The following NR5A1 variants were observed in gnomAD, a reference collection of about 807,000 sequenced individuals.
NR5A1 encodes the protein steroidogenic factor 1.
A neutral mutation model predicts 42.7 loss-of-function variants in NR5A1; 6 were observed. The observed-to-expected ratio is 0.14, with a 90% CI of 0.08 to 0.28. The LOEUF (loss-of-function observed/expected upper bound fraction) is 0.28. Ranked by LOEUF, NR5A1 falls within the 10% of genes least tolerant of loss-of-function variation. The pLI is 1.00. For missense variants in NR5A1, 442 were observed against 626.4 expected, an observed-to-expected ratio of 0.71 and a Z score of 3.14; for synonymous variants, 274 against 277.5, an observed-to-expected ratio of 0.99 and a Z score of 0.12.
chr9:124,485,914 C>T (rs938959399), intron 6 of NR5A1, among the ~76,000 whole-genome samples: 4 of 151,196 alleles, frequency 2.6e-5, no homozygotes, highest in Admixed American at 1.3e-4. Flanking sequence ...AATGGGGGTC[C>T]GGAGGGGGAC....
intron 6 of NR5A1, among the ~76,000 whole-genome samples, chr9:124,490,235 G>T (rs1295173032): frequency 6.6e-6 from 1 of 152,174 alleles, no homozygotes; most frequent in African/African-American, 2.4e-5. Context: ...CCCCACCCAG[G>T]GTTCCCTAAG....
rs912724737 is a variant in NR5A1, at chr9:124,499,469, G to A, written c.870+621C>T. 3.3e-5 allele frequency among the ~76,000 whole-genome samples: 5 copies of A among 152,166 alleles called. No individual in the cohort carries two copies. In the South Asian group the frequency reaches 8.3e-4, roughly 25 times the overall value. ...ACATGCACATGACCATCCAGCATAC[G>A]CAAGATTTGCAGAGGCAGGAGGATC... is the stretch of plus-strand genomic sequence containing the variant. On this transcript the variant is annotated intron_variant, in intron 4 of 6. Coordinates refer to ENST00000373588, the MANE Select transcript of NR5A1 (RefSeq NM_004959.5).
intron 1 of NR5A1, among the ~76,000 whole-genome samples, chr9:124,506,457 G>C (rs1832562014): frequency 6.6e-6 from 1 of 152,176 alleles, no homozygotes; most frequent in Non-Finnish European, 1.5e-5. Context: ...CACCACAATG[G>C]AGCCCTCAGA....
At chr9:124,487,358 A>G (rs1832230673) in intron 6 of NR5A1, among the ~76,000 whole-genome samples, 1 of 152,176 alleles carries the variant, frequency 6.6e-6, no homozygotes, top group African/African-American at 2.4e-5. Context: ...CAGTGGGTAA[A>G]TTGCAAACGC....
chr9:124,503,069 C>T lies in NR5A1; in HGVS notation c.244+10G>A. ...GGGGGGTCAGGGGTCGAGGCCCGCG[C>T]GGCGCGCACCTTCCAGGCGCATCCC... is the stretch of plus-strand genomic sequence containing the variant. On this transcript the variant is annotated intron_variant, in intron 3 of 6. Transcript: ENST00000373588. The surrounding 1 kb of genome is among the most constrained non-coding windows in gnomAD (Gnocchi z 9.6). 2 of 1,565,414 alleles carry T rather than the reference C, an allele frequency of 1.3e-6. No homozygotes were observed. Among genetic ancestry groups the T allele is most frequent in the Non-Finnish European group, 8.6e-7 (1 of 1,159,250 alleles).
intron 1 of NR5A1, among the ~76,000 whole-genome samples, chr9:124,505,537 A>C (rs886983908): frequency 2.6e-5 from 4 of 152,194 alleles, no homozygotes; most frequent in African/African-American, 9.7e-5. Context: ...GAACCCAAGC[A>C]GTAGGGGCAA....
intron 1 of NR5A1, among the ~76,000 whole-genome samples, chr9:124,505,140 A>G (rs1036255446): frequency 1.3e-5 from 2 of 151,878 alleles, no homozygotes; most frequent in African/African-American, 4.8e-5. Context: ...CAGGCCCCCC[A>G]GCCGCAGCCC....
intron 1 of NR5A1, among the ~76,000 whole-genome samples, chr9:124,504,460 C>A (rs533724743): frequency 6.6e-6 from 1 of 152,062 alleles, no homozygotes; most frequent in African/African-American, 2.4e-5. Flanking sequence ...GACAAAGCCG[C>A]AGCAGCGACG....
chr9:124,497,024 A>G (rs533168741), intron 4 of NR5A1, among the ~76,000 whole-genome samples: 6 of 152,208 alleles, frequency 3.9e-5, no homozygotes, highest in Admixed American at 1.3e-4. Context: ...TCCCAGAACA[A>G]TCGTGTGCTC....
intron 1 of NR5A1, among the ~76,000 whole-genome samples, chr9:124,505,099 C>T (rs1832537031): frequency 6.6e-6 from 1 of 152,106 alleles, no homozygotes; most frequent in African/African-American, 2.4e-5. Flanking sequence ...ACCCTCTCCG[C>T]AGTCCAGCTC....
intron 5 of NR5A1, 150 bp from the exon 6 acceptor site, chr9:124,491,378 C>T: frequency 1.6e-6 from 1 of 641,378 alleles, no homozygotes; most frequent in Non-Finnish European, 2.7e-6. Context: ...GGTGCCGAGC[C>T]AGGCACGGGT....
Position 124,482,434 on chromosome 9 carries a change from G to T in NR5A1, c.*324C>A. ...CCAGGGAATCCCGAACCTCCTCCCCGGACCTGCAGGCTTCAGACTCCAGGA... is the reference window on the plus strand; with the variant it reads ...CCAGGGAATCCCGAACCTCCTCCCCTGACCTGCAGGCTTCAGACTCCAGGA... On this transcript the variant is annotated 3_prime_UTR_variant, in exon 7 of 7. Transcript: ENST00000373588. 2.5e-6 allele frequency: 1 copy of T among 402,702 alleles called. No homozygotes were observed. The allele number at this position is 402,702 out of a possible 1,614,324, so 24.9% of individuals were successfully genotyped here.
chr9:124,506,593 C>A lies in NR5A1; in HGVS notation c.-16+656G>T, dbSNP rs569857320. 2.6e-5 allele frequency among the ~76,000 whole-genome samples: 4 copies of A among 152,298 alleles called. No individual in the cohort carries two copies. The East Asian group carries it at 5.8e-4, about 22-fold the overall frequency. On this transcript the variant is annotated intron_variant, in intron 1 of 6. Coordinates refer to ENST00000373588, the MANE Select transcript of NR5A1 (RefSeq NM_004959.5). ...AGCTGGACACACAGGCCCCAGCCGC[C>A]GGGGTTGGGTGGGGGCTGGGCTCAG... is the stretch of plus-strand genomic sequence containing the variant.
chr9:124,492,630 G>A (rs1329663036), intron 5 of NR5A1, among the ~76,000 whole-genome samples: 1 of 152,062 alleles, frequency 6.6e-6, no homozygotes, highest in Non-Finnish European at 1.5e-5. Context: ...GCACCAGCAG[G>A]GCCCGGGGGC....
At chr9:124,499,865 TTGAGCAGAG>T (rs1832439321) in intron 4 of NR5A1, among the ~76,000 whole-genome samples, 1 of 151,768 alleles carries the variant, frequency 6.6e-6, no homozygotes, top group Non-Finnish European at 1.5e-5. Context: ...CAGTGGCTCC[TTGAGCAGAG>T]GCTCAAGGAG....
intron 6 of NR5A1, among the ~76,000 whole-genome samples, chr9:124,486,106 G>A (rs1267588342): frequency 1.3e-5 from 2 of 152,134 alleles, no homozygotes; most frequent in Non-Finnish European, 2.9e-5. Context: ...CGAAGCGGGG[G>A]TGCGGGGGTG....
intron 1 of NR5A1, among the ~76,000 whole-genome samples, chr9:124,505,759 C>T (rs931386942): frequency 1.3e-5 from 2 of 152,212 alleles, no homozygotes; most frequent in Admixed American, 1.3e-4. Flanking sequence ...CGCTGCTCCC[C>T]TCGGAGCTCT....
rs149229720 is a variant in NR5A1 at position 124,493,804 on chromosome 9, C to T, written c.871-655G>A. ...ACGAACAGCAACAAGGGGCTGATTC[C>T]GAATGCCCAGGCTGCGGCCAGAGAC... On this transcript the variant is annotated intron_variant, in intron 4 of 6. Transcript: ENST00000373588. Among the ~76,000 whole-genome samples the T allele has an allele frequency of 6.3e-3, 964 of 152,322 alleles. 8 individuals are homozygous for T. Among genetic ancestry groups the T allele is most frequent in the African/African-American group, 0.022 (918 of 41,572 alleles).
intron 1 of NR5A1, among the ~76,000 whole-genome samples, chr9:124,506,527 G>C (rs982748000): frequency 6.6e-6 from 1 of 152,152 alleles, no homozygotes; most frequent in Non-Finnish European, 1.5e-5. Flanking sequence ...CCAGTTGGCT[G>C]TTCTAAGGTA....
Sources: gnomAD v4.1 joint callset for allele counts (sites outside exome capture counted in the v4.1 genomes callset) on GRCh38, gnomAD v4.1.1 for gene constraint, Gnocchi (gnomAD v3.1) non-coding constraint, MANE v1.5 for transcripts, NCBI Gene and HGNC (gene_info 2026-07-23, HGNC 2026-07-21) for gene names.